LPP: variants seen among roughly 807,000 people sequenced by gnomAD.
LPP encodes the protein lipoma-preferred partner.
Under a neutral mutation model 60.4 loss-of-function variants are expected in LPP, and 38 were observed. That is an observed-to-expected ratio of 0.63 (90% CI 0.49 to 0.83). The LOEUF is 0.83. Ranked by LOEUF, LPP falls within the 40% of genes least tolerant of loss-of-function variation. LPP has a pLI of 0.00. For synonymous variants in LPP, 328 were observed against 290.8 expected (o/e 1.13, Z -1.30); for missense variants, 902 against 783.6 (o/e 1.15, Z -1.80).
intron 1 of LPP, among the ~76,000 whole-genome samples, chr3:188,189,669 A>T (rs1193433845): frequency 6.6e-6 from 1 of 152,110 alleles, no homozygotes; most frequent in African/African-American, 2.4e-5. Context: ...AAAGAATAAA[A>T]AAAAAAGACC....
In LPP at chr3:188,430,586, G is replaced by T. The variant is rs1790644359; in HGVS notation, c.193+24273G>T. On this transcript the variant is annotated intron_variant, in intron 4 of 11. Coordinates refer to ENST00000617246, the MANE Select transcript of LPP (RefSeq NM_001375462.1). ...ACTCTTTTACTTACCTGTGTGATTT[G>T]TTATACCATGTGTTTGTTTAGAATG... Among the ~76,000 whole-genome samples, 8 of 152,276 alleles carry T rather than the reference G, an allele frequency of 5.3e-5. No individual in the cohort carries two copies. In the South Asian group the frequency reaches 1.7e-3, roughly 32 times the overall value.
intron 2 of LPP, among the ~76,000 whole-genome samples, chr3:188,254,847 T>C (rs1221315943): frequency 6.6e-6 from 1 of 152,154 alleles, no homozygotes; most frequent in Admixed American, 6.5e-5. Context: ...TTGACAGGAA[T>C]GGATACCTAA....
chr3:188,556,444 T>C (rs7636417), intron 6 of LPP, among the ~76,000 whole-genome samples: 27 of 152,238 alleles, frequency 1.8e-4, no homozygotes, highest in African/African-American at 6.3e-4. Flanking sequence ...GTCTGTCATA[T>C]AGTAAATTAC....
At chr3:188,302,367 A>G (rs767546414) in intron 2 of LPP, among the ~76,000 whole-genome samples, 2 of 152,222 alleles carry the variant, frequency 1.3e-5, no homozygotes, top group African/African-American at 2.4e-5. Flanking sequence ...AACCTTAGCT[A>G]TATATCAGTT....
intron 3 of LPP, among the ~76,000 whole-genome samples, chr3:188,380,668 T>G (rs1776637832): frequency 6.6e-6 from 1 of 152,234 alleles, no homozygotes; most frequent in Admixed American, 6.5e-5. Context: ...CAAATGTTAT[T>G]AAATTAAGGT....
At chr3:188,448,867 G>T (rs1293689965) in intron 4 of LPP, among the ~76,000 whole-genome samples, 2 of 152,132 alleles carry the variant, frequency 1.3e-5, no homozygotes, top group Non-Finnish European at 1.5e-5. Context: ...GAATTTACCT[G>T]GTTTAGAATT....
intron 6 of LPP, among the ~76,000 whole-genome samples, chr3:188,593,755 A>G (rs1352809895): frequency 6.6e-6 from 1 of 152,148 alleles, no homozygotes; most frequent in Non-Finnish European, 1.5e-5. Context: ...CATCCAGGTC[A>G]TTGCAAATGC....
chr3:188,656,160 C>A (rs1196985501), intron 7 of LPP, among the ~76,000 whole-genome samples: 10 of 151,032 alleles, frequency 6.6e-5, no homozygotes, highest in African/African-American at 2.4e-4. Context: ...CCATTCCACT[C>A]CAGCCTGGGC....
At chr3:188,300,407 T>C (rs1577951705) in intron 2 of LPP, among the ~76,000 whole-genome samples, 1 of 152,084 alleles carries the variant, frequency 6.6e-6, no homozygotes, top group Non-Finnish European at 1.5e-5. Flanking sequence ...GGTTAGCTGC[T>C]TACCAAGAAA....
At chr3:188,645,666 G>C (rs1284408136) in intron 7 of LPP, among the ~76,000 whole-genome samples, 1 of 152,028 alleles carries the variant, frequency 6.6e-6, no homozygotes, top group Admixed American at 6.6e-5. Context: ...AGTAGCTTCA[G>C]ATAAACCTAC....
At chr3:188,797,324 AG>A (rs1307945668) in intron 9 of LPP, among the ~76,000 whole-genome samples, 1 of 152,150 alleles carries the variant, frequency 6.6e-6, no homozygotes, top group Non-Finnish European at 1.5e-5. Flanking sequence ...TCATAGGTTG[AG>A]GGAAGTAATG....
At chr3:188,529,626 A>T (rs1483927489) in intron 6 of LPP, among the ~76,000 whole-genome samples, 1 of 152,212 alleles carries the variant, frequency 6.6e-6, no homozygotes, top group Non-Finnish European at 1.5e-5. Flanking sequence ...TTCCGCTCCC[A>T]AATTTTCTGA....
At chr3:188,660,823 A>G (rs746950542) in intron 7 of LPP, among the ~76,000 whole-genome samples, 1 of 152,164 alleles carries the variant, frequency 6.6e-6, no homozygotes, top group Non-Finnish European at 1.5e-5. Context: ...ATTAGTTACA[A>G]TCGATAAACC....
At chr3:188,476,583 G>C (rs540358410) in intron 4 of LPP, among the ~76,000 whole-genome samples, 1 of 152,006 alleles carries the variant, frequency 6.6e-6, no homozygotes, top group Non-Finnish European at 1.5e-5. Context: ...TGAGAATGCT[G>C]GTTTCCCTAT....
At chr3:188,495,083 T>TATATATA (rs57578460) in intron 5 of LPP, among the ~76,000 whole-genome samples, 10 of 77,784 alleles carry the variant, frequency 1.3e-4, no homozygotes, top group Non-Finnish European at 1.7e-4. Context: ...TATATATATA[T>TATATATA]TTTATTTATA....
At position 188,885,017 on chromosome 3, in the gene LPP, C is replaced by T. The variant is rs1367930939; in HGVS notation, c.*10538C>T. The T allele has an allele frequency of 9.4e-6, 2 of 213,344 alleles. No individual in the cohort carries two copies. The highest frequency in any genetic ancestry group is 1.9e-5 in the Non-Finnish European group (2 of 105,532). 13.2% of individuals were successfully genotyped at this position (213,344 alleles called of 1,614,324 possible). On this transcript the variant is annotated 3_prime_UTR_variant, in exon 12 of 12. Transcript: ENST00000617246. The stretch of plus-strand genomic sequence containing the variant: ...TACCATGTTGTTTTCAAAAAACCTC[C>T]TAGAAAGTCTCCATGTATGCTCTAG...
chr3:188,441,186 G>A (rs996803055), intron 4 of LPP, among the ~76,000 whole-genome samples: 8 of 152,086 alleles, frequency 5.3e-5, no homozygotes, highest in African/African-American at 1.5e-4. Flanking sequence ...GAGATGATGA[G>A]CTCCATTTTA....
At chr3:188,484,533 C>A in intron 4 of LPP, 59 bp from the exon 5 acceptor site, 1 of 1,203,130 alleles carries the variant, frequency 8.3e-7, no homozygotes, top group Non-Finnish European at 1.2e-6. Context: ...GCAAATATAT[C>A]ACGAGTACTA....
chr3:188,868,737 G>A (rs1331691796), intron 10 of LPP, among the ~76,000 whole-genome samples: 1 of 152,206 alleles, frequency 6.6e-6, no homozygotes, highest in Non-Finnish European at 1.5e-5. Context: ...GACAGTTTTT[G>A]GGGCCTTGTT....
Sources: allele counts gnomAD v4.1 joint callset (sites outside exome capture counted in the v4.1 genomes callset), GRCh38; gene constraint gnomAD v4.1.1; transcripts MANE v1.5; gene names NCBI Gene and HGNC (gene_info 2026-07-23, HGNC 2026-07-21).